Variants in MBOAT2 observed in about 807,000 individuals in gnomAD.
The protein encoded by MBOAT2 is membrane bound glycerophospholipid O-acyltransferase 2.
Under a neutral mutation model 63.4 loss-of-function variants are expected in MBOAT2, and 28 were observed. The observed-to-expected ratio is 0.44, with a 90% confidence interval of 0.33 to 0.61. MBOAT2 has a LOEUF of 0.61. Ranked by LOEUF, MBOAT2 falls within the 20% of genes least tolerant of loss-of-function variation. MBOAT2 has a pLI of 0.03. For missense variants in MBOAT2, 470 were observed against 605.8 expected, an observed-to-expected ratio of 0.78 and a Z score of 2.35; for synonymous variants, 211 against 215.6, an observed-to-expected ratio of 0.98 and a Z score of 0.19.
In MBOAT2 at chr2:8,860,705, A is replaced by G. The variant is rs1661431250; in HGVS notation, c.1245T>C (p.Asp415=). 2.5e-6 allele frequency: 4 copies of G among 1,607,034 alleles called. No individual in the cohort carries two copies. Among genetic ancestry groups the G allele is most frequent in the Non-Finnish European group, 3.4e-6 (4 of 1,174,318 alleles). Residue 415 remains aspartate, a synonymous_variant, in exon 12 of 13, where the codon GAT becomes GAC. Coordinates refer to ENST00000305997, the MANE Select transcript of MBOAT2 (RefSeq NM_138799.4). ...CTTGAGTTACTATCCATGTTATAAC[A>G]TCATAAAATAATTTCAGTTGGGAAG... The part of the protein sequence containing the change: ...IEPSQLKLFY[D]VITWIVTQVA...
intron 3 of MBOAT2, among the ~76,000 whole-genome samples, chr2:8,928,722 A>G (rs1667105286): frequency 6.6e-6 from 1 of 152,170 alleles, no homozygotes; most frequent in African/African-American, 2.4e-5. Flanking sequence ...TTACAACTCT[A>G]CTGAATGTCT....
chr2:8,861,093 CA>C (rs1000062908), intron 11 of MBOAT2: 54 of 147,348 alleles, frequency 3.7e-4, no homozygotes, highest in South Asian at 1.3e-3. Flanking sequence ...TAAAAGTTTC[CA>C]AAAAAAAAAG....
intron 9 of MBOAT2, among the ~76,000 whole-genome samples, chr2:8,866,615 C>T (rs1284994783): frequency 6.6e-6 from 1 of 152,350 alleles, no homozygotes; most frequent in East Asian, 1.9e-4. Flanking sequence ...TCAACATTAT[C>T]TAATCCCCCT....
chr2:8,881,345 G>A (rs1663119776), intron 6 of MBOAT2, among the ~76,000 whole-genome samples: 1 of 152,150 alleles, frequency 6.6e-6, no homozygotes, highest in Non-Finnish European at 1.5e-5. Flanking sequence ...AGTCTGGGAG[G>A]AAGGAGACTA....
intron 4 of MBOAT2, among the ~76,000 whole-genome samples, chr2:8,895,166 G>C (rs114998859): frequency 2.8e-4 from 43 of 152,358 alleles, no homozygotes; most frequent in African/African-American, 9.4e-4. Flanking sequence ...GCCACTGCTG[G>C]CTCACCTGGC....
rs1234350314 is a variant in MBOAT2, at chr2:8,858,833, C to CT, written c.1408dup (p.Arg470LysfsTer7). The CT allele has an allele frequency of 1.2e-6, 2 of 1,613,720 alleles. No homozygotes were observed. Among genetic ancestry groups the CT allele is most frequent in the Non-Finnish European group, 8.5e-7 (1 of 1,179,976 alleles). On this transcript the variant is annotated frameshift_variant, in exon 13 of 13. Coordinates refer to ENST00000305997, the MANE Select transcript of MBOAT2 (RefSeq NM_138799.4). LOFTEE classifies it low-confidence loss of function (END_TRUNC). ...AATGTTTTCATGTGTATTCTTTCTT[C>CT]TTTGAGTTTTTTTCACTGGCAACAA...
chr2:8,987,046 A>T (rs1217247783), intron 1 of MBOAT2, among the ~76,000 whole-genome samples: 2 of 152,240 alleles, frequency 1.3e-5, no homozygotes, highest in Non-Finnish European at 2.9e-5. Context: ...AAAGAAATCT[A>T]TCAAATAAAG....
chr2:8,943,468 A>T (rs1328198751), intron 2 of MBOAT2, among the ~76,000 whole-genome samples: 1 of 152,212 alleles, frequency 6.6e-6, no homozygotes, highest in Non-Finnish European at 1.5e-5. Context: ...GGGGGGAAAA[A>T]ACAAGGCCTA....
At chr2:8,998,390 C>A (rs1276992808) in intron 1 of MBOAT2, among the ~76,000 whole-genome samples, 1 of 152,170 alleles carries the variant, frequency 6.6e-6, no homozygotes, top group African/African-American at 2.4e-5. Context: ...GAAAATAAAT[C>A]TTTGATCTGC....
At chr2:8,909,376 T>C (rs1280083464) in intron 3 of MBOAT2, among the ~76,000 whole-genome samples, 1 of 152,180 alleles carries the variant, frequency 6.6e-6, no homozygotes, top group Admixed American at 6.5e-5. Context: ...TGTCATCTAA[T>C]TGGTTCACAG....
intron 3 of MBOAT2, among the ~76,000 whole-genome samples, chr2:8,916,544 T>G (rs917544097): frequency 1.3e-5 from 2 of 152,168 alleles, no homozygotes; most frequent in African/African-American, 4.8e-5. Context: ...TGGGAATTAA[T>G]GAACTAGAAC....
intron 3 of MBOAT2, among the ~76,000 whole-genome samples, chr2:8,910,315 G>T (rs969149216): frequency 1.3e-5 from 2 of 152,120 alleles, no homozygotes; most frequent in Non-Finnish European, 2.9e-5. Flanking sequence ...GAGAGGAGCA[G>T]CGTGGAGATG....
At chr2:8,979,543 T>C (rs904449220) in intron 1 of MBOAT2, among the ~76,000 whole-genome samples, 7 of 152,240 alleles carry the variant, frequency 4.6e-5, no homozygotes, top group Non-Finnish European at 8.8e-5. Context: ...CCACCACATT[T>C]ATCAGCTTAA....
chr2:8,948,880 A>G (rs1668611434), intron 2 of MBOAT2, among the ~76,000 whole-genome samples: 1 of 152,202 alleles, frequency 6.6e-6, no homozygotes, highest in African/African-American at 2.4e-5. Context: ...GCTGGGTCAA[A>G]CGGTAGTTGT....
intron 5 of MBOAT2, among the ~76,000 whole-genome samples, chr2:8,884,307 A>G (rs1663380315): frequency 1.3e-5 from 2 of 151,586 alleles, no homozygotes; most frequent in African/African-American, 4.8e-5. Flanking sequence ...ATTTTCCTCA[A>G]TGATCACATA....
At chr2:8,995,808 G>C (rs765988303) in intron 1 of MBOAT2, among the ~76,000 whole-genome samples, 1 of 152,028 alleles carries the variant, frequency 6.6e-6, no homozygotes, top group Non-Finnish European at 1.5e-5. Context: ...AGCCAGAATG[G>C]TCTCGATCTC....
chr2:8,966,083 C>CCG (rs1252850186), intron 1 of MBOAT2, among the ~76,000 whole-genome samples: 1 of 152,144 alleles, frequency 6.6e-6, no homozygotes, highest in African/African-American at 2.4e-5. Context: ...AGGTGAACAG[C>CCG]CAGTCTTTGT....
intron 9 of MBOAT2, among the ~76,000 whole-genome samples, chr2:8,866,261 T>C (rs1331927494): frequency 1.3e-5 from 2 of 152,176 alleles, no homozygotes; most frequent in Non-Finnish European, 2.9e-5. Context: ...TTTTTTTATG[T>C]ATAAAGAACA....
chr2:8,987,326 T>C (rs1298539535), intron 1 of MBOAT2, among the ~76,000 whole-genome samples: 1 of 152,248 alleles, frequency 6.6e-6, no homozygotes, highest in African/African-American at 2.4e-5. Flanking sequence ...CCTTGCTCAC[T>C]CTGGCCTACT....
Sources: gnomAD v4.1 joint callset for allele counts (sites outside exome capture counted in the v4.1 genomes callset) on GRCh38, gnomAD v4.1.1 for gene constraint, MANE v1.5 for transcripts, NCBI Gene and HGNC (gene_info 2026-07-23, HGNC 2026-07-21) for gene names.